CCNB1: variants seen among roughly 807,000 people sequenced by gnomAD.
CCNB1 encodes the protein G2/mitotic-specific cyclin-B1.
A neutral mutation model predicts 44.4 loss-of-function variants in CCNB1; 26 were observed. That is an observed-to-expected ratio of 0.59 (90% CI 0.43 to 0.81). The LOEUF is 0.81. Among genes scored for constraint, CCNB1 ranks in the 40% least tolerant of loss-of-function variants. The probability of loss-of-function intolerance (pLI) is 0.00; values close to 1 mark genes in which losing one functional copy is unlikely to be tolerated. For missense variants in CCNB1, 477 were observed against 520.9 expected, an observed-to-expected ratio of 0.92 and a Z score of 0.82; for synonymous variants, 195 against 181.4, an observed-to-expected ratio of 1.08 and a Z score of -0.60.
Position 69,172,843 on chromosome 5 carries a change from G to A in CCNB1, c.546+1391G>A, listed in dbSNP as rs1481031371. Among the ~76,000 whole-genome samples the A allele has an allele frequency of 2.8e-5, 4 of 143,796 alleles. No homozygotes were observed. The South Asian group carries it at 6.6e-4, about 24-fold the overall frequency. The allele number at this position is 143,796 out of a possible 152,430, so 94.3% of individuals were successfully genotyped here. A position where few individuals can be genotyped will look rare whatever the true frequency, so the allele number is the denominator to read the frequency against. ...GGCTGGTGTGCAGTGGCACAATCTC[G>A]GCTCACTGCAAGCTCTGTCTCCCGG... On this transcript the variant is annotated intron_variant, in intron 4 of 8. Coordinates refer to ENST00000256442, the MANE Select transcript of CCNB1 (RefSeq NM_031966.4).
intron 7 of CCNB1, among the ~76,000 whole-genome samples, chr5:69,175,805 A>G (rs1048692723): frequency 1.1e-4 from 17 of 151,656 alleles, no homozygotes; most frequent in African/African-American, 4.1e-4. Flanking sequence ...GTGTCTGTCT[A>G]GTTTTTAAAT....
intron 8 of CCNB1, 31 bp from the exon 9 acceptor site, chr5:69,177,493 C>A (rs1189584515): frequency 2.0e-6 from 3 of 1,464,440 alleles, no homozygotes; most frequent in Non-Finnish European, 1.9e-6. Flanking sequence ...TTTTCTTTTG[C>A]CTCTTTAATT....
intron 3 of CCNB1, among the ~76,000 whole-genome samples, chr5:69,169,259 T>C (rs1393285585): frequency 6.6e-6 from 1 of 152,118 alleles, no homozygotes; most frequent in Non-Finnish European, 1.5e-5. Context: ...TTAGTATAGA[T>C]GGGGTTTCAC....
Position 69,177,599 on chromosome 5 carries a change from C to G in CCNB1, c.1270C>G (p.Gln424Glu), listed in dbSNP as rs763253254. ...TLPQLNSALV[Q>E]DLAKAVAKV is the part of the protein sequence containing the mutation. ...ACCACAGCTGAATTCTGCACTAGTT[C>G]AAGATTTAGCCAAGGCTGTGGCAAA... The change falls in exon 9 of 9, where the codon CAA (glutamine) becomes GAA (glutamate). Residue 424 changes from glutamine to glutamate, a missense_variant. By Grantham distance (29) the Gln-to-Glu change is conservative. Transcript: ENST00000256442. The G allele has an allele frequency of 1.4e-5, 23 of 1,612,762 alleles. No homozygotes were observed. Among genetic ancestry groups the G allele is most frequent in the Non-Finnish European group, 1.7e-5 (20 of 1,178,960 alleles).
At chr5:69,177,184 C>T (rs2112063063) in intron 7 of CCNB1, 55 bp from the exon 8 acceptor site, 1 of 998,560 alleles carries the variant, frequency 1.0e-6, no homozygotes, top group South Asian at 1.3e-5. Context: ...CATCTAGAAA[C>T]TTTATGAAAA....
At chr5:69,173,348 T>C (rs1437749532) in intron 4 of CCNB1, among the ~76,000 whole-genome samples, 1 of 152,160 alleles carries the variant, frequency 6.6e-6, no homozygotes, top group Non-Finnish European at 1.5e-5. Context: ...AGAATCAATG[T>C]GTGGGTGGCT....
At chr5:69,169,617 A>G (rs1333063167) in intron 3 of CCNB1, among the ~76,000 whole-genome samples, 3 of 151,882 alleles carry the variant, frequency 2.0e-5, no homozygotes, top group Admixed American at 2.0e-4. Context: ...AAGCTTTCCC[A>G]AACTTCCCCC....
rs1424976571 is a variant in CCNB1, at chr5:69,176,658, T to C, written c.1084-581T>C. Reference sequence around the variant, plus strand: ...GTGCTGGGATTACAGGCGTGAGCCATTGTGCCCGGCCTACCCTAGGTCTTA... The same window carrying C: ...GTGCTGGGATTACAGGCGTGAGCCACTGTGCCCGGCCTACCCTAGGTCTTA... On this transcript the variant is annotated intron_variant, in intron 7 of 8. Coordinates refer to ENST00000256442, the MANE Select transcript of CCNB1 (RefSeq NM_031966.4). 4.0e-5 allele frequency among the ~76,000 whole-genome samples: 6 copies of C among 150,120 alleles called. No individual in the cohort carries two copies. In the South Asian group the frequency reaches 6.7e-4, roughly 17 times the overall value.
chr5:69,171,502 A>G, intron 4 of CCNB1, 50 bp downstream of exon 4: 3 of 1,320,974 alleles, frequency 2.3e-6, no homozygotes, highest in Non-Finnish European at 3.2e-6. Flanking sequence ...ACTTTATGAA[A>G]GTATTTTCCA....
intron 4 of CCNB1, among the ~76,000 whole-genome samples, chr5:69,171,993 C>G (rs1048586725): frequency 6.6e-6 from 1 of 152,102 alleles, no homozygotes; most frequent in Non-Finnish European, 1.5e-5. Context: ...TTGCCCTTTC[C>G]CTACAAATAC....
chr5:69,170,950 C>T (rs1747445217), intron 3 of CCNB1, among the ~76,000 whole-genome samples: 1 of 151,940 alleles, frequency 6.6e-6, no homozygotes, highest in Non-Finnish European at 1.5e-5. Flanking sequence ...TAAATGATCA[C>T]TTTTTTCTTT....
Position 69,176,666 on chromosome 5 carries a change from G to A in CCNB1, c.1084-573G>A, listed in dbSNP as rs185049129. Among the ~76,000 whole-genome samples the A allele has an allele frequency of 2.9e-3, 431 of 151,026 alleles. 7 individuals are homozygous for A. Among genetic ancestry groups the A allele is most frequent in the Admixed American group, 0.022 (334 of 15,162 alleles). On this transcript the variant is annotated intron_variant, in intron 7 of 8. Coordinates refer to ENST00000256442, the MANE Select transcript of CCNB1 (RefSeq NM_031966.4). ...ATTACAGGCGTGAGCCATTGTGCCC[G>A]GCCTACCCTAGGTCTTAAGAATAGA...
chr5:69,169,186 T>G (rs917283494), intron 3 of CCNB1, among the ~76,000 whole-genome samples: 1 of 152,102 alleles, frequency 6.6e-6, no homozygotes, highest in Non-Finnish European at 1.5e-5. Context: ...TTTTCCTGCC[T>G]CAGCCTCCCT....
intron 4 of CCNB1, among the ~76,000 whole-genome samples, 182 bp downstream of exon 4, chr5:69,171,634 T>C (rs1747461904): frequency 6.6e-6 from 1 of 152,188 alleles, no homozygotes; most frequent in South Asian, 2.1e-4. Context: ...TGGAGTCTAT[T>C]TGTCACTTTG....
Position 69,175,023 on chromosome 5 carries a change from G to A in CCNB1, c.852G>A (p.Gln284=), listed in dbSNP as rs778859090. Residue 284 remains glutamine, a synonymous_variant, in exon 6 of 9, where the codon CAG becomes CAA. Coordinates refer to ENST00000256442, the MANE Select transcript of CCNB1 (RefSeq NM_031966.4). ...CTTATACTAAGCACCAAATCAGACA[G>A]ATGGAAATGAAGATTCTAAGAGCTT... ...DNTYTKHQIR[Q]MEMKILRALN... 4 of 1,614,206 alleles carry A rather than the reference G, an allele frequency of 2.5e-6. No homozygotes were observed. Among genetic ancestry groups the A allele is most frequent in the South Asian group, 1.1e-5 (1 of 91,086 alleles).
Position 69,175,504 on chromosome 5 carries a change from C to T in CCNB1, c.1050C>T (p.Cys350=), listed in dbSNP as rs1363003174. Residue 350 remains cysteine (C), a synonymous_variant, in exon 7 of 9, where the codon TGC becomes TGT. Coordinates refer to ENST00000256442, the MANE Select transcript of CCNB1 (RefSeq NM_031966.4). ...PPSQIAAGAF[C]LALKILDNGE... ...CTCAAATTGCAGCAGGAGCTTTTTG[C>T]TTAGCACTGAAAATTCTGGATAATG... 2 of 1,613,992 alleles carry T rather than the reference C, an allele frequency of 1.2e-6. No individual in the cohort carries two copies. Among genetic ancestry groups the T allele is most frequent in the Non-Finnish European group, 1.7e-6 (2 of 1,180,012 alleles).
chr5:69,167,155 G>C lies in CCNB1; in HGVS notation c.-108G>C. 2.2e-6 allele frequency: 2 copies of C among 903,484 alleles called. No individual in the cohort carries two copies. Among genetic ancestry groups the C allele is most frequent in the Non-Finnish European group, 3.3e-6 (2 of 599,658 alleles). The allele number at this position is 903,484 out of a possible 1,614,324, so 56.0% of individuals were successfully genotyped here. A position where few individuals can be genotyped will look rare whatever the true frequency, so the allele number is the denominator to read the frequency against. On this transcript the variant is annotated 5_prime_UTR_variant, in exon 1 of 9. Coordinates refer to ENST00000256442, the MANE Select transcript of CCNB1 (RefSeq NM_031966.4). ...AGGCTAGGCTGGCTCTTCTCGGCGT[G>C]CTGCGGCGGAACGGCTGTTGGTTTC...
intron 3 of CCNB1, among the ~76,000 whole-genome samples, chr5:69,168,747 A>C (rs1196109065): frequency 1.3e-5 from 2 of 152,176 alleles, no homozygotes; most frequent in Non-Finnish European, 2.9e-5. Context: ...TGCAGAATTT[A>C]TTGGCGTAAA....
chr5:69,174,772 C>CATTA (rs3087334), intron 5 of CCNB1, 105 bp from the exon 6 acceptor site: 466,556 of 835,410 alleles, frequency 0.56, 133,431 homozygotes, highest in African/African-American at 0.7. Context: ...GATATGGTGT[C>CATTA]ATTAAGATTT....
Sources: allele counts gnomAD v4.1 joint callset (sites outside exome capture counted in the v4.1 genomes callset), GRCh38; gene constraint gnomAD v4.1.1; transcripts MANE v1.5; gene names NCBI Gene and HGNC (gene_info 2026-07-23, HGNC 2026-07-21).